The following TCERG1 variants were observed in gnomAD, a reference collection of about 807,000 sequenced individuals.
TCERG1 encodes transcription elongation regulator 1.
Under a neutral mutation model 144.7 loss-of-function variants are expected in TCERG1, and 37 were observed. The ratio of observed to expected loss-of-function variants is 0.26; its 90% CI spans 0.20 to 0.34. The LOEUF (loss-of-function observed/expected upper bound fraction) is 0.34, where lower values mean the gene tolerates loss of function less well. TCERG1 is among the 10% of genes least tolerant of loss of function. The probability of loss-of-function intolerance (pLI) is 1.00; values close to 1 mark genes in which losing one functional copy is unlikely to be tolerated. For synonymous variants in TCERG1, 492 were observed against 458.2 expected, an observed-to-expected ratio of 1.07 and a Z score of -0.94; for missense variants, 1,027 against 1,380.7, an observed-to-expected ratio of 0.74 and a Z score of 4.06.
At position 146,457,372 on chromosome 5, in the gene TCERG1, A is replaced by C. The variant is rs757765971; in HGVS notation, c.438+37A>C. 9 of 1,552,050 alleles carry C rather than the reference A, an allele frequency of 5.8e-6. No homozygotes were observed. The Admixed American group carries it at 1.1e-4, about 19-fold the overall frequency. On this transcript the variant is annotated intron_variant, in intron 3 of 22. Coordinates refer to ENST00000679501, the MANE Select transcript of TCERG1 (RefSeq NM_001382548.1). Reference sequence around the variant, plus strand: ...AATATATTTAAGTTGTCATTTGTTGACAGAGGAGTAAAACTTAAAGAGTTC... The same window carrying C: ...AATATATTTAAGTTGTCATTTGTTGCCAGAGGAGTAAAACTTAAAGAGTTC...
At chr5:146,509,373 A>C in intron 22 of TCERG1, 128 bp downstream of exon 22, 1 of 613,872 alleles carries the variant, frequency 1.6e-6, no homozygotes, top group Non-Finnish European at 2.8e-6. Context: ...GAAGATACCA[A>C]CTTCTGTCCA....
intron 13 of TCERG1, chr5:146,482,390 T>A (rs1229521072): frequency 7.4e-6 from 3 of 406,358 alleles, no homozygotes; most frequent in African/African-American, 6.2e-5. Flanking sequence ...CCATTGTAAA[T>A]CATTAGAAGC....
intron 2 of TCERG1, 104 bp from the exon 3 acceptor site, chr5:146,457,079 A>G (rs1480615136): frequency 1.2e-5 from 17 of 1,450,240 alleles, no homozygotes; most frequent in Admixed American, 2.1e-5. Context: ...TGAATAGACT[A>G]TAAAACTAGT....
At chr5:146,464,449 A>G (rs1427061578) in intron 5 of TCERG1, among the ~76,000 whole-genome samples, 1 of 152,268 alleles carries the variant, frequency 6.6e-6, no homozygotes, top group Non-Finnish European at 1.5e-5. Context: ...CATAATGTGC[A>G]TCATTTAAAA....
At position 146,507,301 on chromosome 5, in the gene TCERG1, C is replaced by T. The variant is rs1422481178; in HGVS notation, c.2961+94C>T. ...TTGATATGATTTTTAGTGTCATGGT[C>T]TTTAGATTCATTACTGGAATGCATC... On this transcript the variant is annotated intron_variant, in intron 20 of 22. Transcript: ENST00000679501. This position sits in a 1 kb window ranked among gnomAD's most constrained non-coding sequence, Gnocchi z 4.6. The T allele has an allele frequency of 1.7e-6, 2 of 1,195,180 alleles. No homozygotes were observed. Among genetic ancestry groups the T allele is most frequent in the Non-Finnish European group, 1.1e-6 (1 of 870,874 alleles). The allele number at this position is 1,195,180 out of a possible 1,614,324, so 74.0% of individuals were successfully genotyped here.
intron 7 of TCERG1, among the ~76,000 whole-genome samples, chr5:146,470,168 A>G (rs1383450033): frequency 2.6e-5 from 4 of 152,032 alleles, no homozygotes; most frequent in Admixed American, 2.6e-4. Flanking sequence ...TGCTATTATT[A>G]TTGTTGTTTT....
intron 17 of TCERG1, among the ~76,000 whole-genome samples, chr5:146,499,003 A>T (rs899209743): frequency 6.6e-6 from 1 of 152,200 alleles, no homozygotes; most frequent in Non-Finnish European, 1.5e-5. Context: ...AAGATTCTTT[A>T]TAGGTTGTAA....
chr5:146,469,926 G>A, intron 7 of TCERG1, 182 bp downstream of exon 7: 1 of 441,642 alleles, frequency 2.3e-6, no homozygotes, highest in Admixed American at 4.3e-5. Flanking sequence ...CTACTTACAT[G>A]TTTGTCATCA....
chr5:146,509,998 T>G (rs1179333658), intron 22 of TCERG1: 10 of 1,262,724 alleles, frequency 7.9e-6, no homozygotes, highest in Non-Finnish European at 1.0e-6. Context: ...GTCAGGATCC[T>G]TAATGTTTTG....
chr5:146,451,179 AAC>A (rs1762307617), intron 1 of TCERG1, among the ~76,000 whole-genome samples: 1 of 152,232 alleles, frequency 6.6e-6, no homozygotes, highest in African/African-American at 2.4e-5. Flanking sequence ...TCAAGCCTGA[AAC>A]AGAGTGTCTT....
intron 2 of TCERG1, among the ~76,000 whole-genome samples, chr5:146,456,938 G>A (rs1324679361): frequency 6.6e-6 from 1 of 152,148 alleles, no homozygotes; most frequent in Non-Finnish European, 1.5e-5. Flanking sequence ...CATGTAGAAA[G>A]GAGAAAGCAG....
chr5:146,453,755 T>C (rs1347224694), intron 1 of TCERG1, among the ~76,000 whole-genome samples: 2 of 150,576 alleles, frequency 1.3e-5, no homozygotes, highest in Admixed American at 1.3e-4. Context: ...CTTGCCAACA[T>C]GGCAAAACCC....
intron 15 of TCERG1, among the ~76,000 whole-genome samples, chr5:146,485,963 G>C (rs967794883): frequency 2.6e-5 from 4 of 152,156 alleles, no homozygotes; most frequent in Non-Finnish European, 5.9e-5. Flanking sequence ...ACAAAGTGTT[G>C]GGATTACAGG....
At chr5:146,492,237 GA>G (rs1282496503) in intron 15 of TCERG1, among the ~76,000 whole-genome samples, 2 of 151,092 alleles carry the variant, frequency 1.3e-5, no homozygotes, top group Non-Finnish European at 1.5e-5. Context: ...TCTGGTTTCA[GA>G]AAAAAAAACT....
chr5:146,505,339 A>G (rs1767879101), intron 19 of TCERG1, among the ~76,000 whole-genome samples: 3 of 151,892 alleles, frequency 2.0e-5, no homozygotes, highest in Admixed American at 2.0e-4. Context: ...AAATTTTGTC[A>G]CTCCCCTGGT....
chr5:146,503,004 C>A (rs1288854842), intron 17 of TCERG1: 1 of 152,152 alleles, frequency 6.6e-6, no homozygotes, highest in South Asian at 2.1e-4. Context: ...TGACTCTTAG[C>A]TAAAAAGAAA....
At chr5:146,457,647 C>T (rs1762938768) in intron 3 of TCERG1, among the ~76,000 whole-genome samples, 2 of 152,342 alleles carry the variant, frequency 1.3e-5, no homozygotes, top group Admixed American at 6.5e-5. Context: ...GGTTTAGGCA[C>T]ATCGAGCCAT....
intron 18 of TCERG1, 94 bp downstream of exon 18, chr5:146,503,633 G>A (rs1767684868): frequency 6.8e-7 from 1 of 1,475,704 alleles, no homozygotes; most frequent in East Asian, 2.3e-5. Flanking sequence ...TCTATTGGGG[G>A]TTTGGATTTT....
intron 19 of TCERG1, 36 bp downstream of exon 19, chr5:146,504,042 A>C: frequency 7.0e-7 from 1 of 1,438,338 alleles, no homozygotes; most frequent in Non-Finnish European, 9.2e-7. Context: ...TCTCTAAAGT[A>C]CTGGATATTG....
Sources: gnomAD v4.1 joint callset for allele counts (sites outside exome capture counted in the v4.1 genomes callset) on GRCh38, gnomAD v4.1.1 for gene constraint, Gnocchi (gnomAD v3.1) non-coding constraint, MANE v1.5 for transcripts, NCBI Gene and HGNC (gene_info 2026-07-23, HGNC 2026-07-21) for gene names.